CDK14: variants seen among roughly 807,000 people sequenced by gnomAD.
CDK14 encodes cyclin dependent kinase 14.
In CDK14, 34 loss-of-function variants were observed where a neutral mutation model predicts 60.7. The observed-to-expected ratio is 0.56, with a 90% confidence interval of 0.43 to 0.75. CDK14 has a LOEUF of 0.75. CDK14 is among the 30% of genes least tolerant of loss of function. The pLI, the probability that CDK14 is intolerant of heterozygous loss-of-function variation, is 0.00. For missense variants in CDK14, 482 were observed against 564.1 expected (o/e 0.85, Z 1.47); for synonymous variants, 197 against 203.7 (o/e 0.97, Z 0.28).
At chr7:90,947,430 G>A (rs1304654519) in intron 8 of CDK14, among the ~76,000 whole-genome samples, 2 of 152,124 alleles carry the variant, frequency 1.3e-5, no homozygotes, top group African/African-American at 4.8e-5. Context: ...GTATGACCTG[G>A]GGTAAATTAG....
At chr7:90,898,041 G>A (rs1792390593) in intron 6 of CDK14, among the ~76,000 whole-genome samples, 3 of 151,944 alleles carry the variant, frequency 2.0e-5, no homozygotes, top group Non-Finnish European at 4.4e-5. Context: ...CCCTTCAGTT[G>A]GCTAACTTCT....
chr7:90,957,872 C>A (rs1173792163), intron 9 of CDK14, among the ~76,000 whole-genome samples: 2 of 152,036 alleles, frequency 1.3e-5, no homozygotes, highest in Non-Finnish European at 2.9e-5. Context: ...CATATGGAAC[C>A]ATAAAAGAGC....
intron 6 of CDK14, among the ~76,000 whole-genome samples, chr7:90,876,997 T>C (rs1450464764): frequency 1.3e-5 from 2 of 152,220 alleles, no homozygotes; most frequent in East Asian, 3.8e-4. Context: ...TATTAGAATT[T>C]GCTATCTTAA....
At position 90,963,086 on chromosome 7, in the gene CDK14, A is replaced by AGAGAGTGT. The variant is rs146903374; in HGVS notation, c.947+7270_947+7271insAGAGTGTG. 2.7e-4 allele frequency among the ~76,000 whole-genome samples: 38 copies of AGAGAGTGT among 142,172 alleles called. 1 individual carries two copies. The highest frequency in any genetic ancestry group is 1.6e-3 in the East Asian group (7 of 4,492). 93.3% of individuals were successfully genotyped at this position (142,172 alleles called of 152,430 possible). Reference sequence around the variant, plus strand: ...TGGCCCAGGATATTCTCATCTTAAGAGTGTGTGTGTGTGTGTGTGTGTGTG... The same window carrying AGAGAGTGT: ...TGGCCCAGGATATTCTCATCTTAAGAGAGAGTGTGTGTGTGTGTGTGTGTGTGTGTGTG... On this transcript the variant is annotated intron_variant, in intron 9 of 14. Coordinates refer to ENST00000380050, the MANE Select transcript of CDK14 (RefSeq NM_001287135.2).
intron 9 of CDK14, among the ~76,000 whole-genome samples, chr7:90,971,891 G>A (rs1794944149): frequency 6.6e-6 from 1 of 152,168 alleles, no homozygotes; most frequent in Non-Finnish European, 1.5e-5. Context: ...TATTGCTGAT[G>A]TAGATCCTAG....
intron 5 of CDK14, among the ~76,000 whole-genome samples, chr7:90,831,325 G>T (rs1789903914): frequency 6.6e-6 from 1 of 152,176 alleles, no homozygotes; most frequent in Non-Finnish European, 1.5e-5. Context: ...AGGAGAGAGA[G>T]AGAACGATGG....
Position 90,973,761 on chromosome 7 carries a change from A to G in CDK14, c.948-10387A>G, listed in dbSNP as rs551859178. On this transcript the variant is annotated intron_variant, in intron 9 of 14. Coordinates refer to ENST00000380050, the MANE Select transcript of CDK14 (RefSeq NM_001287135.2). ...GGGATTTTGAAAGGAGAGGGGGTGTACTTACAGGGAGTAAGTCACAGAGAT... is the reference window on the plus strand; with the variant it reads ...GGGATTTTGAAAGGAGAGGGGGTGTGCTTACAGGGAGTAAGTCACAGAGAT... Among the ~76,000 whole-genome samples, 4 of 152,222 alleles carry G rather than the reference A, an allele frequency of 2.6e-5. No homozygotes were observed. In the South Asian group the frequency reaches 8.3e-4, roughly 32 times the overall value.
chr7:91,109,495 A>G (rs1352882338), intron 12 of CDK14, among the ~76,000 whole-genome samples: 1 of 152,150 alleles, frequency 6.6e-6, no homozygotes, highest in Non-Finnish European at 1.5e-5. Flanking sequence ...TACTTCTAAA[A>G]TAGTTCTATC....
intron 5 of CDK14, among the ~76,000 whole-genome samples, chr7:90,824,038 T>C (rs1789637300): frequency 6.6e-6 from 1 of 152,186 alleles, no homozygotes; most frequent in Non-Finnish European, 1.5e-5. Flanking sequence ...GAATCTTTCA[T>C]AAATACAAAG....
chr7:91,142,979 A>G (rs532396633), intron 14 of CDK14, among the ~76,000 whole-genome samples: 1 of 152,362 alleles, frequency 6.6e-6, no homozygotes, highest in East Asian at 1.9e-4. Context: ...AGTAGATGAC[A>G]TAAGATACGG....
chr7:91,142,235 A>C (rs1800489054), intron 14 of CDK14, among the ~76,000 whole-genome samples: 1 of 152,286 alleles, frequency 6.6e-6, no homozygotes, highest in East Asian at 1.9e-4. Flanking sequence ...TGTTAGAAAA[A>C]GGAAGATTAG....
chr7:90,657,334 A>G (rs1800772402), intron 2 of CDK14, among the ~76,000 whole-genome samples: 1 of 152,206 alleles, frequency 6.6e-6, no homozygotes, highest in South Asian at 2.1e-4. Context: ...TTCAGTGGAC[A>G]TTCATCAACT....
At chr7:90,838,255 AC>A (rs773828464) in intron 5 of CDK14, among the ~76,000 whole-genome samples, 15 of 152,208 alleles carry the variant, frequency 9.9e-5, no homozygotes, top group Non-Finnish European at 2.9e-5. Context: ...CAAAATTAAT[AC>A]TTTTATAATT....
chr7:91,053,354 C>T (rs184750686), intron 11 of CDK14, among the ~76,000 whole-genome samples: 1 of 152,236 alleles, frequency 6.6e-6, no homozygotes, highest in African/African-American at 2.4e-5. Flanking sequence ...AACTCAAACC[C>T]AGGTCTTTCA....
At chr7:91,197,458 T>A (rs1229432243) in intron 14 of CDK14, among the ~76,000 whole-genome samples, 1 of 151,578 alleles carries the variant, frequency 6.6e-6, no homozygotes, top group Non-Finnish European at 1.5e-5. Context: ...CAGAGACAGC[T>A]GGTCACCCTA....
At chr7:90,982,354 C>T (rs564539194) in intron 9 of CDK14, among the ~76,000 whole-genome samples, 1 of 152,204 alleles carries the variant, frequency 6.6e-6, no homozygotes. Context: ...CAATTTGAGC[C>T]AAATGGTACA....
chr7:90,738,863 A>C (rs568346008), intron 3 of CDK14, among the ~76,000 whole-genome samples: 69 of 150,924 alleles, frequency 4.6e-4, no homozygotes, highest in Admixed American at 3.9e-3. Context: ...ACTCCACTTT[A>C]ATTATAAACA....
intron 3 of CDK14, among the ~76,000 whole-genome samples, chr7:90,738,563 T>A (rs1803219937): frequency 6.6e-6 from 1 of 152,230 alleles, no homozygotes; most frequent in Admixed American, 6.5e-5. Context: ...TAAAAAAGTG[T>A]TAACATCATC....
intron 5 of CDK14, among the ~76,000 whole-genome samples, chr7:90,796,667 A>C (rs544411035): frequency 2.8e-5 from 4 of 143,348 alleles, no homozygotes; most frequent in African/African-American, 1.0e-4. Context: ...TCTAAGGAGC[A>C]GGATCTTGTA....
Sources: gnomAD v4.1 joint callset for allele counts (sites outside exome capture counted in the v4.1 genomes callset) on GRCh38, gnomAD v4.1.1 for gene constraint, MANE v1.5 for transcripts, NCBI Gene and HGNC (gene_info 2026-07-23, HGNC 2026-07-21) for gene names.